Variants in MAPK8 observed in about 807,000 individuals in gnomAD.
MAPK8 encodes the protein JUN N-terminal kinase.
A neutral mutation model predicts 52.9 loss-of-function variants in MAPK8; 13 were observed. That is an observed-to-expected ratio of 0.25 (90% confidence interval 0.16 to 0.39). MAPK8 has a LOEUF of 0.39. Ranked by LOEUF, MAPK8 falls within the 10% of genes least tolerant of loss-of-function variation. The pLI is 1.00. For missense variants in MAPK8, 300 were observed against 519.2 expected, an observed-to-expected ratio of 0.58 and a Z score of 4.10; for synonymous variants, 191 against 169.8, an observed-to-expected ratio of 1.12 and a Z score of -0.97.
At chr10:48,349,201 A>G (rs1341361923) in intron 1 of MAPK8, among the ~76,000 whole-genome samples, 1 of 152,176 alleles carries the variant, frequency 6.6e-6, no homozygotes, top group Non-Finnish European at 1.5e-5. Flanking sequence ...CCCAACTGTC[A>G]ATATCAGACA....
In MAPK8 at chr10:48,418,437, TTGTGGACTG is replaced by T. The variant is rs60200488; in HGVS notation, c.451-1715_451-1707del. ...ATGTGTGGTGCAGATCATGGTGGGT[TTGTGGACTG>T]TGCGTTTACATAGATGATCAGCAAC... On this transcript the variant is annotated intron_variant, in intron 5 of 11. Coordinates refer to ENST00000374189, the MANE Select transcript of MAPK8 (RefSeq NM_001323329.2). Among the ~76,000 whole-genome samples, 431 of 151,128 alleles carry T rather than the reference TTGTGGACTG, an allele frequency of 2.9e-3. 2 individuals are homozygous for T. Among genetic ancestry groups the T allele is most frequent in the African/African-American group, 0.01 (419 of 41,096 alleles).
intron 1 of MAPK8, among the ~76,000 whole-genome samples, chr10:48,312,136 T>C (rs1189120251): frequency 6.6e-6 from 1 of 152,244 alleles, no homozygotes; most frequent in Non-Finnish European, 1.5e-5. Flanking sequence ...ACTCACTCGA[T>C]AAACCTGAGA....
At chr10:48,322,008 T>G (rs1440156502) in intron 1 of MAPK8, among the ~76,000 whole-genome samples, 1 of 152,238 alleles carries the variant, frequency 6.6e-6, no homozygotes, top group Non-Finnish European at 1.5e-5. Context: ...AAACCTATGG[T>G]GTCTCCCCAT....
chr10:48,435,130 C>G lies in MAPK8; in HGVS notation c.*101C>G, dbSNP rs1311511518. 9.7e-6 allele frequency: 9 copies of G among 929,952 alleles called. No homozygotes were observed. The highest frequency in any genetic ancestry group is 1.2e-5 in the Non-Finnish European group (8 of 656,036). The allele number at this position is 929,952 out of a possible 1,614,324, so 57.6% of individuals were successfully genotyped here. On this transcript the variant is annotated 3_prime_UTR_variant, in exon 12 of 12. Transcript: ENST00000374189. ...GTGGTCTTATTTTTGGGTGATTTTT[C>G]AAAAAATGTAGAATTCATTTTGTAG...
chr10:48,317,318 A>T (rs1034194999), intron 1 of MAPK8, among the ~76,000 whole-genome samples: 1 of 151,912 alleles, frequency 6.6e-6, no homozygotes, highest in Non-Finnish European at 1.5e-5. Context: ...AGTAGCTGGG[A>T]CTCGGCTGGC....
intron 2 of MAPK8, among the ~76,000 whole-genome samples, chr10:48,404,173 C>CTT (rs373695876): frequency 0.094 from 13,321 of 141,190 alleles, 648 homozygotes; most frequent in Non-Finnish European, 0.11. Flanking sequence ...AATTTATATG[C>CTT]TTTTTTTTTT....
chr10:48,379,582 A>G (rs2040866289), intron 1 of MAPK8, among the ~76,000 whole-genome samples: 1 of 152,226 alleles, frequency 6.6e-6, no homozygotes, highest in Non-Finnish European at 1.5e-5. Flanking sequence ...ACTTTACCTA[A>G]TTGCTATGAG....
chr10:48,421,666 G>A (rs911485261), intron 6 of MAPK8, among the ~76,000 whole-genome samples: 25 of 152,144 alleles, frequency 1.6e-4, no homozygotes, highest in Non-Finnish European at 3.2e-4. Context: ...TTAGTCAGGT[G>A]TGGTGGTGCA....
In MAPK8 at chr10:48,333,048, C is replaced by T. The variant is rs182097734; in HGVS notation, c.-50+26227C>T. Among the ~76,000 whole-genome samples, 316 of 152,246 alleles carry T rather than the reference C, an allele frequency of 2.1e-3. 2 individuals are homozygous for T. The highest frequency in any genetic ancestry group is 7.4e-3 in the African/African-American group (308 of 41,536). The stretch of plus-strand genomic sequence containing the variant: ...CTTGCCATCTGTCACTGGAGACAGC[C>T]CATCCACAAACAGCCTTATCTCATC... On this transcript the variant is annotated intron_variant, in intron 1 of 11. Coordinates refer to ENST00000374189, the MANE Select transcript of MAPK8 (RefSeq NM_001323329.2).
At chr10:48,321,349 G>A (rs1842981656) in intron 1 of MAPK8, among the ~76,000 whole-genome samples, 2 of 152,072 alleles carry the variant, frequency 1.3e-5, no homozygotes, top group Admixed American at 1.3e-4. Flanking sequence ...GCCTCCAAAA[G>A]TGCTGGGATT....
intron 1 of MAPK8, among the ~76,000 whole-genome samples, chr10:48,382,796 TA>T (rs1386605635): frequency 6.8e-6 from 1 of 147,308 alleles, no homozygotes; most frequent in Non-Finnish European, 1.5e-5. Flanking sequence ...TATATACTTA[TA>T]TATAATATAT....
intron 6 of MAPK8, among the ~76,000 whole-genome samples, chr10:48,421,729 G>A (rs540170509): frequency 3.4e-4 from 51 of 152,180 alleles, no homozygotes; most frequent in African/African-American, 1.2e-3. Flanking sequence ...GCTTGAACCC[G>A]GGAGGTGGAG....
At chr10:48,356,584 A>G (rs938866574) in intron 1 of MAPK8, among the ~76,000 whole-genome samples, 11 of 152,122 alleles carry the variant, frequency 7.2e-5, no homozygotes, top group African/African-American at 2.2e-4. Context: ...GCTCACACCT[A>G]TAGTCCCAGA....
intron 1 of MAPK8, among the ~76,000 whole-genome samples, chr10:48,311,202 T>A (rs886626749): frequency 2.6e-5 from 4 of 152,202 alleles, no homozygotes; most frequent in Admixed American, 2.6e-4. Flanking sequence ...TTTGCTATTG[T>A]TATCACTTAT....
chr10:48,401,912 A>C, intron 2 of MAPK8, 130 bp downstream of exon 2: 1 of 675,894 alleles, frequency 1.5e-6, no homozygotes, highest in East Asian at 3.6e-5. Flanking sequence ...AATTAAACGA[A>C]AACTATTCCA....
chr10:48,435,458 T>C lies in MAPK8; in HGVS notation c.*429T>C. The C allele has an allele frequency of 6.6e-6, 1 of 152,172 alleles. No individual in the cohort carries two copies. Among genetic ancestry groups the C allele is most frequent in the East Asian group, 1.9e-4 (1 of 5,204 alleles). 9.4% of individuals were successfully genotyped at this position (152,172 alleles called of 1,614,324 possible). A position where few individuals can be genotyped will look rare whatever the true frequency, so the allele number is the denominator to read the frequency against. Reference sequence around the variant, plus strand: ...TTAGAATTTATTTCAGATGTTTTGTTCATGATACTATCCTTCAGGGTTATG... The same window carrying C: ...TTAGAATTTATTTCAGATGTTTTGTCCATGATACTATCCTTCAGGGTTATG... On this transcript the variant is annotated 3_prime_UTR_variant, in exon 12 of 12. Transcript: ENST00000374189.
chr10:48,365,177 G>C (rs11101305), intron 1 of MAPK8, among the ~76,000 whole-genome samples: 2 of 152,094 alleles, frequency 1.3e-5, no homozygotes, highest in Admixed American at 1.3e-4. Context: ...CAGCTAAGCC[G>C]TGTAAAACAG....
At chr10:48,338,119 A>G (rs1158111513) in intron 1 of MAPK8, among the ~76,000 whole-genome samples, 1 of 151,894 alleles carries the variant, frequency 6.6e-6, no homozygotes, top group African/African-American at 2.4e-5. Flanking sequence ...TCATCCCAAT[A>G]TCAAAATCTA....
At chr10:48,422,573 T>C (rs192773250) in intron 6 of MAPK8, among the ~76,000 whole-genome samples, 2 of 152,328 alleles carry the variant, frequency 1.3e-5, no homozygotes, top group Admixed American at 1.3e-4. Flanking sequence ...TTCTGAAAGT[T>C]ACCAAATAAG....
Sources: gnomAD v4.1 joint callset for allele counts (sites outside exome capture counted in the v4.1 genomes callset) on GRCh38, gnomAD v4.1.1 for gene constraint, MANE v1.5 for transcripts, NCBI Gene and HGNC (gene_info 2026-07-23, HGNC 2026-07-21) for gene names.